Variants in UBE2D2 observed in about 807,000 individuals in gnomAD.
The protein encoded by UBE2D2 is ubiquitin-conjugating enzyme E2 D2.
In UBE2D2, 2 loss-of-function variants were observed where a neutral mutation model predicts 24.2. The ratio of observed to expected loss-of-function variants is 0.08; its 90% CI spans 0.03 to 0.26. The LOEUF is 0.26. Ranked by LOEUF, UBE2D2 falls within the 10% of genes least tolerant of loss-of-function variation. The pLI is 1.00. For synonymous variants in UBE2D2, 58 were observed against 56.5 expected, an observed-to-expected ratio of 1.03 and a Z score of -0.12; for missense variants, 44 against 177.6, an observed-to-expected ratio of 0.25 and a Z score of 4.28.
At chr5:139,531,458 C>T (rs988977069) in intron 1 of UBE2D2, among the ~76,000 whole-genome samples, 7 of 152,162 alleles carry the variant, frequency 4.6e-5, no homozygotes, top group Admixed American at 1.3e-4. Context: ...ATTGTGCACT[C>T]GGGGAGATCG....
At chr5:139,532,244 G>A (rs193037940) in intron 1 of UBE2D2, among the ~76,000 whole-genome samples, 375 of 150,244 alleles carry the variant, frequency 2.5e-3, no homozygotes, top group Non-Finnish European at 4.2e-3. Flanking sequence ...GCACGATCTC[G>A]GCTCACTGCA....
In UBE2D2 at chr5:139,548,193, A is replaced by AAAAAAAAAAAAAATAAATAAAT; in HGVS notation, c.-64+21584_-64+21585insAAAAAAAAAATAAATAAATAAA. ...AAAAAAAAAAAAAAAATAAAAAAAA[A>AAAAAAAAAAAAAATAAATAAAT]AAATAAATAAATAAATAAATAAACG... is the stretch of plus-strand genomic sequence containing the variant. On this transcript the variant is annotated intron_variant, in intron 1 of 6. Coordinates refer to the UBE2D2 transcript ENST00000511725. Among the ~76,000 whole-genome samples the AAAAAAAAAAAAAATAAATAAAT allele has an allele frequency of 2.8e-3, 133 of 47,024 alleles. 9 individuals carry two copies. Among genetic ancestry groups the AAAAAAAAAAAAAATAAATAAAT allele is most frequent in the Non-Finnish European group, 4.0e-3 (105 of 26,306 alleles). 30.8% of individuals were successfully genotyped at this position (47,024 alleles called of 152,430 possible). A position where few individuals can be genotyped will look rare whatever the true frequency, so the allele number is the denominator to read the frequency against.
chr5:139,545,751 T>G (rs1752819229), intron 1 of UBE2D2, among the ~76,000 whole-genome samples: 1 of 148,196 alleles, frequency 6.7e-6, no homozygotes, highest in Admixed American at 6.9e-5. Flanking sequence ...GGAAACAGAG[T>G]CTTGCTCTGT....
At chr5:139,571,441 T>C (rs887913951) in intron 1 of UBE2D2, among the ~76,000 whole-genome samples, 1 of 151,424 alleles carries the variant, frequency 6.6e-6, no homozygotes, top group African/African-American at 2.4e-5. Flanking sequence ...AGATTTCAGC[T>C]ATCCACTTTA....
At chr5:139,598,552 CTTTTTTTTTTT>C (rs746165110) in intron 1 of UBE2D2, among the ~76,000 whole-genome samples, 1 of 104,952 alleles carries the variant, frequency 9.5e-6, no homozygotes, top group African/African-American at 4.1e-5. Flanking sequence ...ACTACAAAGC[CTTTTTTTTTTT>C]TTTTTTTTTT....
intron 1 of UBE2D2, 97 bp downstream of exon 1, chr5:139,561,912 A>C: frequency 2.1e-6 from 3 of 1,412,148 alleles, no homozygotes; most frequent in Non-Finnish European, 2.8e-6. Context: ...GCCTCCTTGG[A>C]TCTTGCTGCC....
chr5:139,579,140 G>T (rs777848860), intron 1 of UBE2D2, among the ~76,000 whole-genome samples: 48 of 151,482 alleles, frequency 3.2e-4, no homozygotes, highest in Non-Finnish European at 5.2e-4. Context: ...GCTAATTTTT[G>T]TATTTTAATT....
At chr5:139,572,596 TA>T (rs527721963) in intron 1 of UBE2D2, among the ~76,000 whole-genome samples, 30 of 145,376 alleles carry the variant, frequency 2.1e-4, no homozygotes, top group Non-Finnish European at 2.3e-4. Context: ...ATCTGTCTCT[TA>T]AAAAAAAAAA....
At chr5:139,550,486 T>C (rs1335090316) in intron 1 of UBE2D2, among the ~76,000 whole-genome samples, 1 of 152,008 alleles carries the variant, frequency 6.6e-6, no homozygotes, top group African/African-American at 2.4e-5. Context: ...ATCAGCAGGA[T>C]GTGGGTGGGG....
chr5:139,548,172 AAAAAAAAAAAAT>A (rs1752858749), intron 1 of UBE2D2, among the ~76,000 whole-genome samples: 7 of 37,056 alleles, frequency 1.9e-4, no homozygotes, highest in East Asian at 7.5e-4. Context: ...TCAAAAAAAA[AAAAAAAAAAAAT>A]AAAAAAAAAA....
At chr5:139,606,383 G>A (rs1435370905) in intron 2 of UBE2D2, among the ~76,000 whole-genome samples, 3 of 151,820 alleles carry the variant, frequency 2.0e-5, no homozygotes, top group South Asian at 2.1e-4. Context: ...GGCTGGTCTC[G>A]AACTCCTGAC....
intron 1 of UBE2D2, among the ~76,000 whole-genome samples, chr5:139,537,443 G>A (rs1049991297): frequency 2.0e-5 from 3 of 151,916 alleles, no homozygotes; most frequent in Non-Finnish European, 4.4e-5. Context: ...TATTCACAGA[G>A]TTGTTTGTCC....
At position 139,548,182 on chromosome 5, in the gene UBE2D2, AAT is replaced by A. The variant is rs1436787210; in HGVS notation, c.-64+21572_-64+21573del. 7.2e-3 allele frequency among the ~76,000 whole-genome samples: 263 copies of A among 36,618 alleles called. 9 individuals are homozygous for A. The highest frequency in any genetic ancestry group is 0.02 in the East Asian group (51 of 2,540). 24.0% of individuals were successfully genotyped at this position (36,618 alleles called of 152,430 possible). On this transcript the variant is annotated intron_variant, in intron 1 of 6. Transcript: ENST00000511725. ...CCGTCTCAAAAAAAAAAAAAAAAAA[AAT>A]AAAAAAAAAAAATAAATAAATAAAT...
At chr5:139,595,892 G>GTTTTTTTTTTTTTTTTTTTTT (rs70988709) in intron 1 of UBE2D2, among the ~76,000 whole-genome samples, 10 of 98,854 alleles carry the variant, frequency 1.0e-4, no homozygotes, top group Non-Finnish European at 1.4e-4. Flanking sequence ...GTTTTTTGTT[G>GTTTTTTTTTTTTTTTTTTTTT]TTTTTTTTTT....
chr5:139,540,116 A>C (rs572151241), intron 1 of UBE2D2, among the ~76,000 whole-genome samples: 1 of 142,708 alleles, frequency 7.0e-6, no homozygotes, highest in South Asian at 2.2e-4. Context: ...ATGGTGTTTC[A>C]CCATGTTGGC....
intron 1 of UBE2D2, among the ~76,000 whole-genome samples, chr5:139,599,213 G>T (rs1754019922): frequency 6.6e-6 from 1 of 151,944 alleles, no homozygotes; most frequent in Admixed American, 6.6e-5. Context: ...GGGATTACAA[G>T]CATGAGCCAC....
Position 139,580,045 on chromosome 5 carries a change from C to CAAA in UBE2D2, c.24+18244_24+18246dup, listed in dbSNP as rs199662706. 4.4e-3 allele frequency among the ~76,000 whole-genome samples: 519 copies of CAAA among 116,968 alleles called. 8 individuals carry two copies. The highest frequency in any genetic ancestry group is 0.018 in the Middle Eastern group (4 of 224). 76.7% of individuals were successfully genotyped at this position (116,968 alleles called of 152,430 possible). The stretch of plus-strand genomic sequence containing the variant: ...TGGGCAACAGAGCGAGACTCCCTCT[C>CAAA]AAAAAAAAAAAAAAAAGTTGTTCCC... On this transcript the variant is annotated intron_variant, in intron 1 of 6. Coordinates refer to ENST00000398733, the MANE Select transcript of UBE2D2 (RefSeq NM_003339.3).
upstream of UBE2D2, among the ~76,000 whole-genome samples, chr5:139,560,623 C>T (rs1387315999): frequency 6.6e-6 from 1 of 152,158 alleles, no homozygotes; most frequent in Non-Finnish European, 1.5e-5. Flanking sequence ...TGAGTCACCG[C>T]GCCCAGCCGT....
chr5:139,559,354 G>C (rs937648276), upstream of UBE2D2, among the ~76,000 whole-genome samples: 2 of 151,440 alleles, frequency 1.3e-5, no homozygotes, highest in African/African-American at 4.9e-5. Flanking sequence ...CTGAACCCGG[G>C]AGAAGAGCTT....
Sources: gnomAD v4.1 joint callset for allele counts (sites outside exome capture counted in the v4.1 genomes callset) on GRCh38, gnomAD v4.1.1 for gene constraint, MANE v1.5 for transcripts, NCBI Gene and HGNC (gene_info 2026-07-23, HGNC 2026-07-21) for gene names.